The following CCNL2 variants were observed in gnomAD, a reference collection of about 807,000 sequenced individuals.
CCNL2 encodes cyclin-L2.
CCNL2 carries 28 observed loss-of-function variants against 59.1 expected under a neutral mutation model. The observed-to-expected ratio is 0.47, with a 90% CI of 0.35 to 0.65. The LOEUF is 0.65. Among genes scored for constraint, CCNL2 ranks in the 30% least tolerant of loss-of-function variants. The pLI is 0.00. For missense variants in CCNL2, 714 were observed against 717.4 expected, an observed-to-expected ratio of 1.00 and a Z score of 0.05; for synonymous variants, 342 against 288.6, an observed-to-expected ratio of 1.19 and a Z score of -1.88.
intron 5 of CCNL2, chr1:1,392,652 T>G: frequency 6.7e-7 from 1 of 1,483,408 alleles, no homozygotes. Context: ...ACAGCAGGAG[T>G]CGGCCATGGC....
Position 1,398,919 on chromosome 1 carries a change from G to T in CCNL2, c.288+100C>A. On this transcript the variant is annotated intron_variant, in intron 1 of 10. Coordinates refer to ENST00000400809, the MANE Select transcript of CCNL2 (RefSeq NM_030937.6). ...TGGGGTCGGGGCAGGGGCTGGGGTC[G>T]GGGTCTAGGCGGGGGCGGTGCGGGC... 6 of 1,449,222 alleles carry T rather than the reference G, an allele frequency of 4.1e-6. No individual in the cohort carries two copies. In the South Asian group the frequency reaches 7.2e-5, roughly 17 times the overall value. 89.8% of individuals were successfully genotyped at this position (1,449,222 alleles called of 1,614,324 possible). A position where few individuals can be genotyped will look rare whatever the true frequency, so the allele number is the denominator to read the frequency against.
Position 1,399,075 on chromosome 1 carries a change from G to C in CCNL2, c.232C>G (p.Arg78Gly). ...TGGATGAGCTCGCAGCCCACCACGC[G>C]GAGGTCGGTCTCTGTGTCGGTGTCG... ...GLDTDTETDL[R>G]VVGCELIQAA... The change falls in exon 1 of 11, where the codon CGC becomes GGC. Residue 78 changes from arginine (R) to glycine (G), a missense_variant. Transcript: ENST00000400809. 6.2e-7 allele frequency: 1 copy of C among 1,611,266 alleles called. No individual in the cohort carries two copies. Among genetic ancestry groups the C allele is most frequent in the Non-Finnish European group, 8.5e-7 (1 of 1,179,272 alleles).
At position 1,387,480 on chromosome 1, in the gene CCNL2, G is replaced by C; in HGVS notation, c.1314C>G (p.Tyr438Ter). Residue 438 changes from tyrosine (Y) to a stop codon, truncating the protein, a stop_gained, in exon 11 of 11, where the codon TAC becomes TAG. Transcript: ENST00000400809. LOFTEE classifies it high-confidence loss of function. ...GGGAGCCCCGAATCTCAGAGCCTTT[G>C]TAGGGAGCGCTGCGGGGGGCCTGTC... Reference protein sequence around the residue: ...PPRQAPRSAPYKGSEIRGSRK... With the variant: ...PPRQAPRSAP 6.2e-7 allele frequency: 1 copy of C among 1,609,910 alleles called. No individual in the cohort carries two copies.
chr1:1,390,917 C>T, intron 5 of CCNL2, 52 bp from the exon 6 acceptor site: 1 of 1,424,634 alleles, frequency 7.0e-7, no homozygotes, highest in South Asian at 1.1e-5. Context: ...GAACCCAGGT[C>T]TTCCGCCTGC....
Position 1,387,009 on chromosome 1 carries a change from C to T in CCNL2, c.*222G>A, listed in dbSNP as rs1023729594. The T allele has an allele frequency of 1.8e-5, 9 of 513,424 alleles. No individual in the cohort carries two copies. Among genetic ancestry groups the T allele is most frequent in the African/African-American group, 1.1e-4 (6 of 52,410 alleles). 31.8% of individuals were successfully genotyped at this position (513,424 alleles called of 1,614,324 possible). On this transcript the variant is annotated 3_prime_UTR_variant, in exon 11 of 11. Coordinates refer to ENST00000400809, the MANE Select transcript of CCNL2 (RefSeq NM_030937.6). ...GCCCTGCACGGGCCCAGGTGTGCGC[C>T]GCACCCCAGACCGGTCTGAAGCACG...
At position 1,389,312 on chromosome 1, in the gene CCNL2, T is replaced by G. The variant is rs538765283; in HGVS notation, c.1006+918A>C. 3 of 152,410 alleles carry G rather than the reference T, an allele frequency of 2.0e-5. No homozygotes were observed. The East Asian group carries it at 5.8e-4, about 30-fold the overall frequency. The allele number at this position is 152,410 out of a possible 1,614,324, so 9.4% of individuals were successfully genotyped here. On this transcript the variant is annotated intron_variant, in intron 8 of 10. Coordinates refer to ENST00000400809, the MANE Select transcript of CCNL2 (RefSeq NM_030937.6). The stretch of plus-strand genomic sequence containing the variant: ...TGAACCCGGGAGGTGGAGCTTGCAA[T>G]GAGCTGAGATCGCACCACTGCACTC...
intron 3 of CCNL2, among the ~76,000 whole-genome samples, chr1:1,397,044 G>C (rs760282761): frequency 2.0e-5 from 3 of 152,172 alleles, no homozygotes; most frequent in Non-Finnish European, 2.9e-5. Flanking sequence ...ACTGCACCTG[G>C]CCAATTTTTG....
Position 1,387,557 on chromosome 1 carries a change from C to T in CCNL2, c.1237G>A (p.Gly413Ser). The T allele has an allele frequency of 6.6e-7, 1 of 1,512,764 alleles. No homozygotes were observed. Among genetic ancestry groups the T allele is most frequent in the Admixed American group, 2.3e-5 (1 of 43,412 alleles). 93.7% of individuals were successfully genotyped at this position (1,512,764 alleles called of 1,614,324 possible). A position where few individuals can be genotyped will look rare whatever the true frequency, so the allele number is the denominator to read the frequency against. The stretch of plus-strand genomic sequence containing the variant: ...GAGCGGCTCTGCGACTTGGACCCAC[C>T]AGATGTGGAGCCGCTGTCACTTTTC... ...RRKSDSGSTSGGSKSQSRSRS... is the reference protein window; with the variant it reads ...RRKSDSGSTSSGSKSQSRSRS... Residue 413 changes from glycine (G) to serine (S), a missense_variant, in exon 11 of 11, where the codon GGT becomes AGT. By Grantham distance (56) the Gly-to-Ser change is moderately conservative. Around this residue, in one of 5 missense-constraint regions of CCNL2, gnomAD observed 403 missense variants for 377.7 expected, o/e 1.07. Coordinates refer to ENST00000400809, the MANE Select transcript of CCNL2 (RefSeq NM_030937.6).
At position 1,399,005 on chromosome 1, in the gene CCNL2, G is replaced by A; in HGVS notation, c.288+14C>T. The A allele has an allele frequency of 5.1e-6, 8 of 1,583,456 alleles. No homozygotes were observed. Among genetic ancestry groups the A allele is most frequent in the Non-Finnish European group, 6.0e-6 (7 of 1,167,728 alleles). On this transcript the variant is annotated intron_variant, in intron 1 of 10. Coordinates refer to ENST00000400809, the MANE Select transcript of CCNL2 (RefSeq NM_030937.6). ...GCGGTTACCTGGGCCGGAGGCTCGC[G>A]GCCGCGCCCTCACCTGCGGCAGGCG... is the stretch of plus-strand genomic sequence containing the variant.
rs1389996538 is a variant in CCNL2, at chr1:1,385,918, G to GA, written c.*1312dup. Reference sequence around the variant, plus strand: ...GGAGTCTCCTCAGTTCCCCAATTCTGAGGGGGGGTCCCACCAGCTATCTAA... The same window carrying GA: ...GGAGTCTCCTCAGTTCCCCAATTCTGAAGGGGGGGTCCCACCAGCTATCTAA... On this transcript the variant is annotated 3_prime_UTR_variant, in exon 11 of 11. Transcript: ENST00000400809. 3.6e-5 allele frequency: 2 copies of GA among 55,278 alleles called. No homozygotes were observed. Among genetic ancestry groups the GA allele is most frequent in the Non-Finnish European group, 1.0e-4 (1 of 9,676 alleles). 3.4% of individuals were successfully genotyped at this position (55,278 alleles called of 1,614,324 possible).
chr1:1,398,984 T>C (rs777771343), intron 1 of CCNL2, 35 bp downstream of exon 1: 1 of 1,561,128 alleles, frequency 6.4e-7, no homozygotes, highest in Non-Finnish European at 8.6e-7. Context: ...GCCCCAGCGG[T>C]TACCTGGGCC....
rs999219051 is a variant in CCNL2 at position 1,386,991 on chromosome 1, A to G, written c.*240T>C. ...GAGCTGCTGCCGAGCTGAGCCCTGC[A>G]CGGGCCCAGGTGTGCGCCGCACCCC... On this transcript the variant is annotated 3_prime_UTR_variant, in exon 11 of 11. Coordinates refer to ENST00000400809, the MANE Select transcript of CCNL2 (RefSeq NM_030937.6). 9 of 460,308 alleles carry G rather than the reference A, an allele frequency of 2.0e-5. No individual in the cohort carries two copies. The highest frequency in any genetic ancestry group is 2.7e-5 in the Non-Finnish European group (7 of 260,218). 28.5% of individuals were successfully genotyped at this position (460,308 alleles called of 1,614,324 possible).
At chr1:1,390,959 A>C (rs1644733209) in intron 5 of CCNL2, 94 bp from the exon 6 acceptor site, 2 of 1,103,930 alleles carry the variant, frequency 1.8e-6, no homozygotes, top group Middle Eastern at 2.0e-4. Context: ...TAAACGTACT[A>C]CTCCTCTAAG....
At chr1:1,394,370 G>A (rs1022840757) in intron 4 of CCNL2, among the ~76,000 whole-genome samples, 4 of 152,076 alleles carry the variant, frequency 2.6e-5, no homozygotes, top group Non-Finnish European at 4.4e-5. Flanking sequence ...CGCAAAACTC[G>A]CCAGTCATTT....
In CCNL2 at chr1:1,387,761, GCC is replaced by G. The variant is rs2100260967; in HGVS notation, c.1211+14_1211+15del. The G allele has an allele frequency of 3.3e-6, 5 of 1,537,860 alleles. No homozygotes were observed. The highest frequency in any genetic ancestry group is 1.7e-4 in the Middle Eastern group (1 of 5,736). Reference sequence around the variant, plus strand: ...ACCCCGGTATCGGCCTCCTGGGTGCGCCCTGAGGCACACACCTCCTCTTAGGA... The same window carrying G: ...ACCCCGGTATCGGCCTCCTGGGTGCGCTGAGGCACACACCTCCTCTTAGGA... On this transcript the variant is annotated intron_variant, in intron 10 of 10. Coordinates refer to ENST00000400809, the MANE Select transcript of CCNL2 (RefSeq NM_030937.6).
At chr1:1,392,548 G>C (rs918290063) in intron 5 of CCNL2, 2 of 1,383,422 alleles carry the variant, frequency 1.4e-6, no homozygotes, top group African/African-American at 2.9e-5. Context: ...GTTTTAAAGG[G>C]ACAAAATTCA....
At position 1,387,373 on chromosome 1, in the gene CCNL2, C is replaced by G; in HGVS notation, c.1421G>C (p.Arg474Pro). Residue 474 changes from arginine to proline, a missense_variant, in exon 11 of 11, where the codon CGG becomes CCG. Around this residue, in one of 5 missense-constraint regions of CCNL2, gnomAD observed 403 missense variants for 377.7 expected, o/e 1.07. Coordinates refer to ENST00000400809, the MANE Select transcript of CCNL2 (RefSeq NM_030937.6). ...TTTTCCCGGATTATCCGCCCGCTCC[C>G]GTGACCTGCTTCGAGAACGGGAAGA... is the stretch of plus-strand genomic sequence containing the variant. ...RSSSRSRSRS[R>P]ERADNPGKYK... 6.2e-7 allele frequency: 1 copy of G among 1,614,204 alleles called. No homozygotes were observed. The highest frequency in any genetic ancestry group is 8.5e-7 in the Non-Finnish European group (1 of 1,180,048).
At chr1:1,391,167 C>T (rs925423783) in intron 5 of CCNL2, 1 of 1,166,186 alleles carries the variant, frequency 8.6e-7, no homozygotes, top group Non-Finnish European at 1.1e-6. Context: ...TTACTTTTCC[C>T]CTCAACCTTG....
At position 1,398,624 on chromosome 1, in the gene CCNL2, G is replaced by T. The variant is rs998695573; in HGVS notation, c.336C>A (p.Thr112=). The change falls in exon 2 of 11, where the codon ACC becomes ACA. Residue 112 remains threonine, a synonymous_variant. Coordinates refer to ENST00000400809, the MANE Select transcript of CCNL2 (RefSeq NM_030937.6). ...CCATGGAGTGCTTCACGAAGGACTT[G>T]GTATAAAAGAACCGCTGGAACAACA... ...GQVLFQRFFY[T]KSFVKHSMEH... 6.2e-7 allele frequency: 1 copy of T among 1,613,966 alleles called. No homozygotes were observed.
Sources: gnomAD v4.1 joint callset for allele counts (sites outside exome capture counted in the v4.1 genomes callset) on GRCh38, gnomAD v4.1.1 for gene constraint, gnomAD v4.1.1 regional missense constraint, MANE v1.5 for transcripts, NCBI Gene and HGNC (gene_info 2026-07-23, HGNC 2026-07-21) for gene names.